Variants in GALNTL6 observed in about 807,000 individuals in gnomAD.
GALNTL6 encodes the protein polypeptide N-acetylgalactosaminyltransferase-like 6.
A neutral mutation model predicts 73.7 loss-of-function variants in GALNTL6; 46 were observed. The ratio of observed to expected loss-of-function variants is 0.62; its 90% CI spans 0.49 to 0.80. The LOEUF (loss-of-function observed/expected upper bound fraction) is 0.80, where lower values mean the gene tolerates loss of function less well. GALNTL6 is among the 30% of genes least tolerant of loss of function. GALNTL6 has a pLI of 0.00. For missense variants in GALNTL6, 604 were observed against 755.0 expected (o/e 0.80, Z 2.34); for synonymous variants, 259 against 263.7 (o/e 0.98, Z 0.17).
chr4:172,167,788 C>G (rs954106400), intron 2 of GALNTL6, among the ~76,000 whole-genome samples: 1 of 134,570 alleles, frequency 7.4e-6, no homozygotes, highest in Non-Finnish European at 1.6e-5. Flanking sequence ...GAAACCCCGT[C>G]TCTACTAAAA....
intron 5 of GALNTL6, among the ~76,000 whole-genome samples, chr4:172,463,788 A>G (rs1732700339): frequency 6.6e-6 from 1 of 152,222 alleles, no homozygotes; most frequent in Non-Finnish European, 1.5e-5. Context: ...CCCTTTTCAT[A>G]TGCAAGCAAT....
chr4:172,672,693 A>G (rs1325076382), intron 5 of GALNTL6, among the ~76,000 whole-genome samples: 2 of 152,012 alleles, frequency 1.3e-5, no homozygotes. Context: ...TACTGACTCA[A>G]TTTTAGAACT....
intron 2 of GALNTL6, among the ~76,000 whole-genome samples, chr4:172,197,481 C>T (rs1735811465): frequency 6.6e-6 from 1 of 152,006 alleles, no homozygotes; most frequent in Non-Finnish European, 1.5e-5. Context: ...TCCATATAGC[C>T]AGAAAATCCT....
chr4:172,085,083 A>G (rs963537948), intron 2 of GALNTL6, among the ~76,000 whole-genome samples: 1 of 152,174 alleles, frequency 6.6e-6, no homozygotes, highest in African/African-American at 2.4e-5. Context: ...AAAAAATAAT[A>G]CATATAAATA....
chr4:172,802,140 C>T (rs1446370808), intron 5 of GALNTL6, among the ~76,000 whole-genome samples: 1 of 152,134 alleles, frequency 6.6e-6, no homozygotes, highest in Non-Finnish European at 1.5e-5. Context: ...AATATATTCT[C>T]CAATCCCTTT....
chr4:172,553,389 A>G (rs10000667), intron 5 of GALNTL6, among the ~76,000 whole-genome samples: 6,809 of 152,186 alleles, frequency 0.045, 476 homozygotes, highest in African/African-American at 0.15. Flanking sequence ...CTGGATGAGA[A>G]CTGTTATCTG....
intron 2 of GALNTL6, among the ~76,000 whole-genome samples, chr4:172,055,249 A>C (rs1025577766): frequency 6.6e-6 from 1 of 152,150 alleles, no homozygotes; most frequent in Admixed American, 6.6e-5. Context: ...TTTCAGATGT[A>C]GGCAGAAAGT....
chr4:171,891,979 C>T (rs1736775039), intron 2 of GALNTL6, among the ~76,000 whole-genome samples: 1 of 152,066 alleles, frequency 6.6e-6, no homozygotes, highest in African/African-American at 2.4e-5. Context: ...CTCACAAATC[C>T]AAAACTTTAT....
chr4:171,819,927 TAAAC>T lies in GALNTL6; in HGVS notation c.138+5213_138+5216del, dbSNP rs143640162. On this transcript the variant is annotated intron_variant, in intron 2 of 12. Coordinates refer to ENST00000506823, the MANE Select transcript of GALNTL6 (RefSeq NM_001034845.3). Reference sequence around the variant, plus strand: ...CATGTGTTTACAAAATTACTGTTATTAAACAAAGGTGCAAGTGTGCAAAGAAATG... The same window carrying T: ...CATGTGTTTACAAAATTACTGTTATTAAAGGTGCAAGTGTGCAAAGAAATG... Among the ~76,000 whole-genome samples the T allele has an allele frequency of 9.9e-5, 15 of 152,230 alleles. No individual in the cohort carries two copies. In the East Asian group the frequency reaches 2.9e-3, roughly 29 times the overall value.
At chr4:172,837,570 G>T (rs923537193) in intron 7 of GALNTL6, among the ~76,000 whole-genome samples, 1 of 152,120 alleles carries the variant, frequency 6.6e-6, no homozygotes, top group African/African-American at 2.4e-5. Flanking sequence ...TTGTTAGGTG[G>T]TAAATCAACA....
intron 2 of GALNTL6, among the ~76,000 whole-genome samples, chr4:172,199,106 G>A (rs1184364032): frequency 3.9e-5 from 6 of 152,156 alleles, no homozygotes; most frequent in Admixed American, 3.9e-4. Flanking sequence ...GACTGTGGTA[G>A]CCACCGTTTT....
At chr4:172,220,118 A>G (rs1373390847) in intron 2 of GALNTL6, among the ~76,000 whole-genome samples, 1 of 151,772 alleles carries the variant, frequency 6.6e-6, no homozygotes, top group Non-Finnish European at 1.5e-5. Context: ...ATTAAATAAC[A>G]TAAGAAGATC....
chr4:172,297,868 GT>G (rs1739743642), intron 3 of GALNTL6, among the ~76,000 whole-genome samples: 1 of 152,042 alleles, frequency 6.6e-6, no homozygotes, highest in Non-Finnish European at 1.5e-5. Context: ...TTTTAAAGTA[GT>G]TTTTTCCAAT....
At chr4:172,107,085 C>G (rs1560925875) in intron 2 of GALNTL6, among the ~76,000 whole-genome samples, 1 of 152,152 alleles carries the variant, frequency 6.6e-6, no homozygotes, top group Non-Finnish European at 1.5e-5. Flanking sequence ...GTTGGTCAGG[C>G]TGGTCTTGAA....
intron 4 of GALNTL6, among the ~76,000 whole-genome samples, chr4:172,314,623 T>TTTG (rs1740478785): frequency 6.8e-6 from 1 of 146,108 alleles, no homozygotes; most frequent in African/African-American, 2.5e-5. Context: ...TTTTTTTTTT[T>TTTG]TTGAGGCAGA....
intron 5 of GALNTL6, among the ~76,000 whole-genome samples, chr4:172,633,137 G>A (rs1164864775): frequency 6.6e-6 from 1 of 152,142 alleles, no homozygotes; most frequent in Non-Finnish European, 1.5e-5. Flanking sequence ...CCCACACAGA[G>A]TCCCCACTGA....
intron 7 of GALNTL6, among the ~76,000 whole-genome samples, chr4:172,869,065 A>G (rs1274369669): frequency 6.6e-6 from 1 of 152,148 alleles, no homozygotes; most frequent in Non-Finnish European, 1.5e-5. Flanking sequence ...CTAATTCCAA[A>G]TAATTGATTT....
chr4:171,942,378 G>A (rs1205151703), intron 2 of GALNTL6, among the ~76,000 whole-genome samples: 1 of 152,022 alleles, frequency 6.6e-6, no homozygotes, highest in Non-Finnish European at 1.5e-5. Flanking sequence ...ATGCCATGTA[G>A]CCATGATGTT....
chr4:171,985,672 G>A (rs966013913), intron 2 of GALNTL6, among the ~76,000 whole-genome samples: 5 of 151,910 alleles, frequency 3.3e-5, no homozygotes, highest in Admixed American at 6.6e-5. Context: ...TTGTTTGAGA[G>A]ATATAAAAAG....
Sources: allele counts gnomAD v4.1 joint callset (sites outside exome capture counted in the v4.1 genomes callset), GRCh38; gene constraint gnomAD v4.1.1; transcripts MANE v1.5; gene names NCBI Gene and HGNC (gene_info 2026-07-23, HGNC 2026-07-21).